Variants in MME observed in about 807,000 individuals in gnomAD.
MME encodes the protein membrane metalloendopeptidase, also known as neprilysin.
A neutral mutation model predicts 113.2 loss-of-function variants in MME; 98 were observed. The observed-to-expected ratio is 0.87, with a 90% CI of 0.74 to 1.02. The LOEUF (loss-of-function observed/expected upper bound fraction) is 1.02. Ranked by LOEUF, MME falls within the 50% of genes least tolerant of loss-of-function variation. The pLI, the probability that MME is intolerant of heterozygous loss-of-function variation, is 0.00. For missense variants in MME, 836 were observed against 896.0 expected, an observed-to-expected ratio of 0.93 and a Z score of 0.86; for synonymous variants, 292 against 300.6, an observed-to-expected ratio of 0.97 and a Z score of 0.30.
intron 14 of MME, 95 bp from the exon 15 acceptor site, chr3:155,147,049 G>C: frequency 1.3e-6 from 1 of 799,126 alleles, no homozygotes; most frequent in Non-Finnish European, 2.2e-6. Context: ...GAACAGTATG[G>C]ATCAAGTTAT....
chr3:155,158,475 A>G (rs1043617769), intron 16 of MME: 1 of 152,094 alleles, frequency 6.6e-6, no homozygotes, highest in African/African-American at 2.4e-5. Flanking sequence ...GTTTCCCCCT[A>G]GGAGTAGTAA....
chr3:155,071,357 G>A (rs1049865321), intron 1 of MME, among the ~76,000 whole-genome samples: 1 of 152,180 alleles, frequency 6.6e-6, no homozygotes, highest in Admixed American at 6.5e-5. Context: ...GAACAGTTTA[G>A]CCAGGGAATA....
At chr3:155,088,551 C>T (rs1265107105) in intron 3 of MME, among the ~76,000 whole-genome samples, 9 of 151,674 alleles carry the variant, frequency 5.9e-5, no homozygotes, top group African/African-American at 1.7e-4. Flanking sequence ...GGTGTGGTGG[C>T]GCATGCCTGT....
chr3:155,063,668 ATATAT>A (rs59175839), intron 1 of MME, among the ~76,000 whole-genome samples: 7,937 of 111,278 alleles, frequency 0.071, 431 homozygotes, highest in African/African-American at 0.13. Flanking sequence ...ATAACATATT[ATATAT>A]TATATTATAT....
intron 8 of MME, 121 bp from the exon 9 acceptor site, chr3:155,137,981 A>T: frequency 9.0e-7 from 1 of 1,114,442 alleles, no homozygotes; most frequent in Non-Finnish European, 1.3e-6. Context: ...TTAGAAAAGG[A>T]TTTTTATTTT....
rs1491273553 is a variant in MME, at chr3:155,116,606, ATT to A, written c.439+48_439+49del. On this transcript the variant is annotated intron_variant, in intron 5 of 22. Transcript: ENST00000360490. ...TCATTAGGAGTATATATATATATAT[ATT>A]GGTGCCAAACTATGCCTAGATTTCT... The A allele has an allele frequency of 8.8e-6, 13 of 1,470,146 alleles. No individual in the cohort carries two copies. The East Asian group carries it at 2.3e-4, about 26-fold the overall frequency. The allele number at this position is 1,470,146 out of a possible 1,614,324, so 91.1% of individuals were successfully genotyped here.
chr3:155,095,494 C>T (rs1054625884), intron 3 of MME, among the ~76,000 whole-genome samples: 2 of 152,056 alleles, frequency 1.3e-5, no homozygotes, highest in Non-Finnish European at 2.9e-5. Flanking sequence ...CAACTTTTTG[C>T]CTCTTCCATT....
intron 12 of MME, among the ~76,000 whole-genome samples, chr3:155,142,658 A>T (rs1465884857): frequency 6.6e-6 from 1 of 152,148 alleles, no homozygotes; most frequent in Non-Finnish European, 1.5e-5. Context: ...ATCTATTTTA[A>T]TTAATTTGAT....
chr3:155,028,460 T>A (rs1178967888), intron 1 of MME, among the ~76,000 whole-genome samples: 1 of 152,200 alleles, frequency 6.6e-6, no homozygotes, highest in African/African-American at 2.4e-5. Flanking sequence ...ATGTGGCTGC[T>A]CATTATTAGC....
At chr3:155,143,412 T>G (rs745941740) in intron 12 of MME, 31 bp from the exon 13 acceptor site, 2 of 1,608,050 alleles carry the variant, frequency 1.2e-6, no homozygotes, top group Admixed American at 1.7e-5. Flanking sequence ...TTCCTTCTGG[T>G]CAAATGCCAT....
At chr3:155,147,021 GT>G (rs1371266680) in intron 14 of MME, 122 bp from the exon 15 acceptor site, 1 of 694,356 alleles carries the variant, frequency 1.4e-6, no homozygotes, top group African/African-American at 1.8e-5. Context: ...GTTTAAGTAT[GT>G]CAGACACTCA....
chr3:155,074,222 T>C (rs1576684375), intron 1 of MME, among the ~76,000 whole-genome samples: 1 of 152,328 alleles, frequency 6.6e-6, no homozygotes, highest in East Asian at 1.9e-4. Flanking sequence ...TTTTTCTAAC[T>C]TTCTAAGTTA....
At chr3:155,097,977 G>A (rs1269916464) in intron 3 of MME, among the ~76,000 whole-genome samples, 1 of 152,148 alleles carries the variant, frequency 6.6e-6, no homozygotes, top group Admixed American at 6.5e-5. Flanking sequence ...CACTGTTTTA[G>A]ATGCTAAGGA....
intron 1 of MME, among the ~76,000 whole-genome samples, chr3:155,030,740 T>C (rs984782629): frequency 6.6e-6 from 1 of 152,230 alleles, no homozygotes; most frequent in Non-Finnish European, 1.5e-5. Context: ...AAAGTTTTGC[T>C]AGCTGCAAAT....
intron 1 of MME, among the ~76,000 whole-genome samples, chr3:155,057,202 C>T (rs1346904369): frequency 6.6e-6 from 1 of 152,020 alleles, no homozygotes; most frequent in Non-Finnish European, 1.5e-5. Flanking sequence ...ACTCATCTGA[C>T]AAAGGGCTAA....
At position 155,055,349 on chromosome 3, in the gene MME, G is replaced by A. The variant is rs1355845630; in HGVS notation, c.-10-28809G>A. Among the ~76,000 whole-genome samples, 3 of 152,174 alleles carry A rather than the reference G, an allele frequency of 2.0e-5. No homozygotes were observed. In the East Asian group the frequency reaches 5.8e-4, roughly 29 times the overall value. ...ATGGTGGCTCATGCCTCTAATCCCAGCACTTTGGGAGGCCAAGGCAGACGG... is the reference window on the plus strand; with the variant it reads ...ATGGTGGCTCATGCCTCTAATCCCAACACTTTGGGAGGCCAAGGCAGACGG... On this transcript the variant is annotated intron_variant, in intron 1 of 22. Coordinates refer to the MME transcript ENST00000492661.
chr3:155,058,614 A>T lies in MME; in HGVS notation c.-10-25544A>T, dbSNP rs146398924. Among the ~76,000 whole-genome samples the T allele has an allele frequency of 6.3e-3, 962 of 152,302 alleles. 9 individuals carry two copies. The highest frequency in any genetic ancestry group is 0.015 in the East Asian group (80 of 5,192). ...AAGAAAAGCCTAAGGAAAAAATATT[A>T]AAAAAGGCAACATTGGAATTGAATG... is the stretch of plus-strand genomic sequence containing the variant. On this transcript the variant is annotated intron_variant, in intron 1 of 22. Coordinates refer to the MME transcript ENST00000492661.
At chr3:155,090,639 G>GCTA (rs1430043118) in intron 3 of MME, 3 of 152,160 alleles carry the variant, frequency 2.0e-5, no homozygotes, top group Admixed American at 6.5e-5. Flanking sequence ...CTTTCATCAT[G>GCTA]CTACTCAGAA....
At chr3:155,169,432 G>T (rs559047878) in intron 20 of MME, among the ~76,000 whole-genome samples, 1 of 152,210 alleles carries the variant, frequency 6.6e-6, no homozygotes, top group Admixed American at 6.5e-5. Flanking sequence ...AATAGGTTTG[G>T]CAGTATTCAA....
Sources: allele counts gnomAD v4.1 joint callset (sites outside exome capture counted in the v4.1 genomes callset), GRCh38; gene constraint gnomAD v4.1.1; transcripts MANE v1.5; gene names NCBI Gene and HGNC (gene_info 2026-07-23, HGNC 2026-07-21).